The following TCF7L2 variants were observed in gnomAD, a reference collection of about 807,000 sequenced individuals.
TCF7L2 encodes transcription factor 7 like 2, also known as transcription factor 7-like 2.
A neutral mutation model predicts 77.9 loss-of-function variants in TCF7L2; 23 were observed. The observed-to-expected ratio is 0.30, with a 90% CI of 0.21 to 0.42. The LOEUF is 0.42. Ranked by LOEUF, TCF7L2 falls within the 10% of genes least tolerant of loss-of-function variation. The probability of loss-of-function intolerance (pLI) is 1.00; values close to 1 mark genes in which losing one functional copy is unlikely to be tolerated. For missense variants in TCF7L2, 654 were observed against 793.1 expected, an observed-to-expected ratio of 0.82 and a Z score of 2.11; for synonymous variants, 413 against 340.2, an observed-to-expected ratio of 1.21 and a Z score of -2.36.
chr10:112,983,408 G>T (rs2040868177), intron 4 of TCF7L2, among the ~76,000 whole-genome samples: 1 of 152,218 alleles, frequency 6.6e-6, no homozygotes, highest in African/African-American at 2.4e-5. Context: ...CTGGGAGGTG[G>T]AGCTTGCAGT....
chr10:113,106,249 T>C (rs1467901670), intron 5 of TCF7L2, among the ~76,000 whole-genome samples: 1 of 152,138 alleles, frequency 6.6e-6, no homozygotes, highest in Non-Finnish European at 1.5e-5. Context: ...GACTGATAAC[T>C]CTAACCTGAC....
At chr10:113,148,958 G>A (rs745645070) in intron 8 of TCF7L2, among the ~76,000 whole-genome samples, 13 of 152,012 alleles carry the variant, frequency 8.6e-5, no homozygotes, top group Non-Finnish European at 1.5e-4. Flanking sequence ...GTACACACAC[G>A]TACACACACA....
chr10:112,955,241 A>G (rs113593497), intron 3 of TCF7L2, among the ~76,000 whole-genome samples: 2,010 of 152,276 alleles, frequency 0.013, 46 homozygotes, highest in African/African-American at 0.046. Context: ...CGCCCTGAAA[A>G]AGAACAGGTG....
intron 4 of TCF7L2, among the ~76,000 whole-genome samples, chr10:113,025,628 AC>A (rs1002292579): frequency 2.7e-4 from 41 of 152,130 alleles, no homozygotes; most frequent in African/African-American, 9.6e-4. Context: ...CAATCTGCCC[AC>A]CTTGGCCTCG....
intron 5 of TCF7L2, among the ~76,000 whole-genome samples, chr10:113,071,822 T>C (rs1457726803): frequency 6.6e-6 from 1 of 152,122 alleles, no homozygotes; most frequent in Non-Finnish European, 1.5e-5. Flanking sequence ...GCAGGTCACA[T>C]TGGTGCAGAT....
chr10:113,131,148 AT>A (rs1033713551), intron 5 of TCF7L2, among the ~76,000 whole-genome samples: 4 of 152,122 alleles, frequency 2.6e-5, no homozygotes, highest in Non-Finnish European at 5.9e-5. Context: ...ATTATTTGTG[AT>A]GTTATTGTAT....
chr10:113,010,125 A>C (rs1192549368), intron 4 of TCF7L2, among the ~76,000 whole-genome samples: 1 of 152,060 alleles, frequency 6.6e-6, no homozygotes, highest in Non-Finnish European at 1.5e-5. Context: ...GTCCTATAGA[A>C]GCTTGAGTCT....
chr10:112,964,960 A>AC (rs2036397827), intron 4 of TCF7L2, among the ~76,000 whole-genome samples: 1 of 152,074 alleles, frequency 6.6e-6, no homozygotes, highest in Admixed American at 6.6e-5. Flanking sequence ...GGGCACACAG[A>AC]CCCCAGCTTG....
chr10:112,963,950 C>T (rs1347636195), intron 3 of TCF7L2, among the ~76,000 whole-genome samples: 2 of 152,096 alleles, frequency 1.3e-5, no homozygotes, highest in African/African-American at 2.4e-5. Context: ...AGAGTGCAGG[C>T]GACAGAGATG....
intron 5 of TCF7L2, among the ~76,000 whole-genome samples, chr10:113,135,283 G>A (rs576387211): frequency 1.3e-5 from 2 of 152,194 alleles, no homozygotes; most frequent in Non-Finnish European, 2.9e-5. Context: ...CCACAGGGGC[G>A]CCTCCCCCTC....
chr10:113,084,368 G>T (rs555849031), intron 5 of TCF7L2, among the ~76,000 whole-genome samples: 3 of 152,340 alleles, frequency 2.0e-5, no homozygotes, highest in African/African-American at 7.2e-5. Flanking sequence ...GCCCAGAGAT[G>T]CTGCTTTAGC....
rs553249147 is a variant in TCF7L2, at chr10:112,964,790, G to A, written c.450+166G>A. 7.3e-4 allele frequency among the ~76,000 whole-genome samples: 103 copies of A among 140,980 alleles called. 1 individual carries two copies. The highest frequency in any genetic ancestry group is 2.7e-3 in the African/African-American group (98 of 36,590). The allele number at this position is 140,980 out of a possible 152,430, so 92.5% of individuals were successfully genotyped here. A position where few individuals can be genotyped will look rare whatever the true frequency, so the allele number is the denominator to read the frequency against. ...GGTGGTGGTGGTGATGGTGGTGGTG[G>A]TGATGGTGGTGGTGGTGGTGGTGGG... On this transcript the variant is annotated intron_variant, in intron 4 of 13. Transcript: ENST00000627217.
intron 5 of TCF7L2, among the ~76,000 whole-genome samples, chr10:113,053,106 A>G (rs1490460366): frequency 6.6e-6 from 1 of 152,128 alleles, no homozygotes; most frequent in Non-Finnish European, 1.5e-5. Context: ...TAAGTTTTGG[A>G]ACATAATTTG....
intron 8 of TCF7L2, among the ~76,000 whole-genome samples, chr10:113,148,283 C>T (rs1286739698): frequency 6.6e-6 from 1 of 152,148 alleles, no homozygotes; most frequent in African/African-American, 2.4e-5. Context: ...TGGTGCAAGG[C>T]TCTTCTCCTG....
chr10:112,959,699 A>G (rs1169978062), intron 3 of TCF7L2, among the ~76,000 whole-genome samples: 2 of 152,156 alleles, frequency 1.3e-5, no homozygotes, highest in African/African-American at 4.8e-5. Flanking sequence ...TTATAAGGGC[A>G]GGCAGTCACC....
chr10:113,065,913 C>T (rs1564845463), intron 5 of TCF7L2, among the ~76,000 whole-genome samples: 1 of 152,110 alleles, frequency 6.6e-6, no homozygotes, highest in Non-Finnish European at 1.5e-5. Context: ...GCAAGTAAGT[C>T]TTTTGGATCA....
At chr10:113,058,773 C>A (rs2055861794) in intron 5 of TCF7L2, among the ~76,000 whole-genome samples, 1 of 152,032 alleles carries the variant, frequency 6.6e-6, no homozygotes, top group East Asian at 1.9e-4. Context: ...AATAGAGAGA[C>A]CCGCAAGCAC....
At chr10:113,111,060 G>C (rs2063069036) in intron 5 of TCF7L2, among the ~76,000 whole-genome samples, 1 of 149,330 alleles carries the variant, frequency 6.7e-6, no homozygotes, top group Non-Finnish European at 1.5e-5. Context: ...TTTTCTAAGT[G>C]GTGATTAAAA....
chr10:112,994,374 G>A (rs1441506435), intron 4 of TCF7L2, among the ~76,000 whole-genome samples: 2 of 152,254 alleles, frequency 1.3e-5, no homozygotes, highest in Non-Finnish European at 2.9e-5. Flanking sequence ...CGGTTCTCAA[G>A]GTTCATCCAG....
Sources: gnomAD v4.1 joint callset for allele counts (sites outside exome capture counted in the v4.1 genomes callset) on GRCh38, gnomAD v4.1.1 for gene constraint, MANE v1.5 for transcripts, NCBI Gene and HGNC (gene_info 2026-07-23, HGNC 2026-07-21) for gene names.